The following PARP11 variants were observed in gnomAD, a reference collection of about 807,000 sequenced individuals.
PARP11 encodes poly(ADP-ribose) polymerase family member 11, also known as protein mono-ADP-ribosyltransferase PARP11.
A neutral mutation model predicts 42.9 loss-of-function variants in PARP11; 31 were observed. The ratio of observed to expected loss-of-function variants is 0.72; its 90% CI spans 0.54 to 0.98. The LOEUF is 0.98. Among genes scored for constraint, PARP11 ranks in the 50% least tolerant of loss-of-function variants. The probability of loss-of-function intolerance (pLI) is 0.00; values close to 1 mark genes in which losing one functional copy is unlikely to be tolerated. For missense variants in PARP11, 365 were observed against 413.1 expected, an observed-to-expected ratio of 0.88 and a Z score of 1.01; for synonymous variants, 137 against 127.3, an observed-to-expected ratio of 1.08 and a Z score of -0.51.
intron 1 of PARP11, among the ~76,000 whole-genome samples, chr12:3,859,559 TAA>T (rs59321607): frequency 0.1 from 11,748 of 112,290 alleles, 688 homozygotes; most frequent in East Asian, 0.35. Context: ...GAGACTCTGC[TAA>T]AAAAAAAAAA....
intron 1 of PARP11, among the ~76,000 whole-genome samples, chr12:3,843,833 C>A (rs1947942038): frequency 1.3e-5 from 2 of 152,168 alleles, no homozygotes; most frequent in Admixed American, 1.3e-4. Flanking sequence ...AAAATCCACT[C>A]TTTTATTATG....
chr12:3,857,637 T>TAAA (rs367843470), intron 1 of PARP11, among the ~76,000 whole-genome samples: 1 of 140,854 alleles, frequency 7.1e-6, no homozygotes, highest in Non-Finnish European at 1.6e-5. Flanking sequence ...ATTATTATGC[T>TAAA]AAAAAAAAAA....
In PARP11 at chr12:3,873,197, C is replaced by T; in HGVS notation, c.18+15G>A. 1.3e-6 allele frequency: 2 copies of T among 1,547,734 alleles called. No homozygotes were observed. Among genetic ancestry groups the T allele is most frequent in the Non-Finnish European group, 1.7e-6 (2 of 1,145,160 alleles). Reference sequence around the variant, plus strand: ...CCCGCCCCCTGGGCCCGCCCCGTCCCGCCCGGCTACTCACTGGATTCGCTT... The same window carrying T: ...CCCGCCCCCTGGGCCCGCCCCGTCCTGCCCGGCTACTCACTGGATTCGCTT... On this transcript the variant is annotated intron_variant, in intron 1 of 7. Coordinates refer to ENST00000228820, the MANE Select transcript of PARP11 (RefSeq NM_020367.6).
chr12:3,847,895 G>A (rs935666643), intron 1 of PARP11, among the ~76,000 whole-genome samples: 2 of 152,062 alleles, frequency 1.3e-5, no homozygotes, highest in African/African-American at 4.8e-5. Context: ...GTTGACAGAA[G>A]ACATAATCCT....
At chr12:3,856,322 G>A (rs1688709196) in intron 1 of PARP11, among the ~76,000 whole-genome samples, 1 of 152,162 alleles carries the variant, frequency 6.6e-6, no homozygotes, top group Non-Finnish European at 1.5e-5. Flanking sequence ...TACCATCAGA[G>A]TGAACAGGCA....
In PARP11 at chr12:3,814,117, C is replaced by T; in HGVS notation, c.620G>A (p.Ser207Asn). Reference sequence around the variant, plus strand: ...GCAGATTGCTTCCACAAATTCACTGCTGGTACCATGAAACAGCATTTGTTC... The same window carrying T: ...GCAGATTGCTTCCACAAATTCACTGTTGGTACCATGAAACAGCATTTGTTC... ...INEQMLFHGT[S>N]SEFVEAICIH... is the part of the protein sequence containing the mutation. Residue 207 changes from serine to asparagine, a missense_variant, in exon 7 of 8, where the codon AGC (serine) becomes AAC (asparagine). Physicochemically the swap from Ser to Asn is conservative, Grantham distance 46 (BLOSUM62 1). Transcript: ENST00000228820. 1 of 1,609,284 alleles carries T rather than the reference C, an allele frequency of 6.2e-7. No individual in the cohort carries two copies. Among genetic ancestry groups the T allele is most frequent in the Non-Finnish European group, 8.5e-7 (1 of 1,177,046 alleles).
chr12:3,868,974 T>C (rs1170695984), intron 1 of PARP11, among the ~76,000 whole-genome samples: 2 of 152,250 alleles, frequency 1.3e-5, no homozygotes, highest in African/African-American at 4.8e-5. Context: ...AAAGGTTGTA[T>C]GAGAGAATCT....
chr12:3,841,140 G>A, intron 1 of PARP11: 1 of 1,607,726 alleles, frequency 6.2e-7, no homozygotes, highest in Non-Finnish European at 8.5e-7. Context: ...CTTTGCCTCA[G>A]ACATTGAGCC....
chr12:3,836,832 G>A (rs1320971576), intron 1 of PARP11, among the ~76,000 whole-genome samples: 1 of 152,126 alleles, frequency 6.6e-6, no homozygotes, highest in African/African-American at 2.4e-5. Context: ...CCTCACCCAC[G>A]ATGCCTCACC....
At chr12:3,828,594 T>C (rs1947577161) in intron 3 of PARP11, among the ~76,000 whole-genome samples, 1 of 152,074 alleles carries the variant, frequency 6.6e-6, no homozygotes, top group Admixed American at 6.6e-5. Flanking sequence ...TCTTATCTAT[T>C]TCAAAAGACT....
At chr12:3,869,143 C>A (rs1047426856) in intron 1 of PARP11, among the ~76,000 whole-genome samples, 15 of 152,074 alleles carry the variant, frequency 9.9e-5, no homozygotes, top group Admixed American at 3.3e-4. Context: ...AGGACCCTTG[C>A]GATTACTTTG....
chr12:3,832,454 G>A (rs569377824), intron 1 of PARP11, among the ~76,000 whole-genome samples: 163 of 152,242 alleles, frequency 1.1e-3, no homozygotes, highest in African/African-American at 3.9e-3. Flanking sequence ...AAGTTACCAA[G>A]CCCCACTGTC....
Position 3,873,267 on chromosome 12 carries a change from G to A in PARP11, c.-38C>T, listed in dbSNP as rs1459821479. ...ATCGAGCGGAGAGAGCCTGTGGGAA[G>A]GGGCTAGCCGCGGGGCCTGGGTGTT... is the stretch of plus-strand genomic sequence containing the variant. On this transcript the variant is annotated 5_prime_UTR_variant, in exon 1 of 8. Coordinates refer to ENST00000228820, the MANE Select transcript of PARP11 (RefSeq NM_020367.6). 5 of 1,549,082 alleles carry A rather than the reference G, an allele frequency of 3.2e-6. No individual in the cohort carries two copies. The highest frequency in any genetic ancestry group is 1.4e-5 in the African/African-American group (1 of 73,040).
At chr12:3,816,910 G>A (rs1947299093) in intron 6 of PARP11, among the ~76,000 whole-genome samples, 1 of 152,096 alleles carries the variant, frequency 6.6e-6, no homozygotes, top group Middle Eastern at 3.2e-3. Context: ...TCAAAAAGAA[G>A]GCCAGGCGCA....
At chr12:3,849,720 T>G (rs1591528773) in intron 1 of PARP11, among the ~76,000 whole-genome samples, 1 of 152,018 alleles carries the variant, frequency 6.6e-6, no homozygotes, top group East Asian at 1.9e-4. Flanking sequence ...ATATAAGAAA[T>G]AAGACCTAGA....
At position 3,840,353 on chromosome 12, in the gene PARP11, GA is replaced by G. The variant is rs760926267; in HGVS notation, c.19-10336del. ...AAGATGAAAAAACCTTCCACTTCTG[GA>G]CAAAATTTCCATTCTGATATGGATT... On this transcript the variant is annotated intron_variant, in intron 1 of 7. Coordinates refer to ENST00000228820, the MANE Select transcript of PARP11 (RefSeq NM_020367.6). The surrounding 1 kb of genome is among the most constrained non-coding windows in gnomAD (Gnocchi z 4.4). 43 of 1,614,032 alleles carry G rather than the reference GA, an allele frequency of 2.7e-5. No homozygotes were observed. The highest frequency in any genetic ancestry group is 1.7e-4 in the African/African-American group (13 of 75,018).
chr12:3,843,090 A>T (rs1352696576), intron 1 of PARP11, among the ~76,000 whole-genome samples: 2 of 152,240 alleles, frequency 1.3e-5, no homozygotes, highest in Non-Finnish European at 2.9e-5. Context: ...AACTTGAATA[A>T]TGTCTTCTCT....
intron 1 of PARP11, among the ~76,000 whole-genome samples, chr12:3,865,534 C>T (rs999587050): frequency 3.9e-5 from 6 of 152,174 alleles, no homozygotes; most frequent in Admixed American, 2.0e-4. Context: ...TTTTAAAGCT[C>T]TAATATTGGA....
intron 1 of PARP11, chr12:3,871,906 C>A (rs940345300): frequency 6.6e-6 from 1 of 152,224 alleles, no homozygotes; most frequent in African/African-American, 2.4e-5. Context: ...CTGTCTCCTG[C>A]CCATCTTTCG....
Sources: gnomAD v4.1 joint callset for allele counts (sites outside exome capture counted in the v4.1 genomes callset) on GRCh38, gnomAD v4.1.1 for gene constraint, Gnocchi (gnomAD v3.1) non-coding constraint, MANE v1.5 for transcripts, NCBI Gene and HGNC (gene_info 2026-07-23, HGNC 2026-07-21) for gene names.